The following STOML1 variants were observed in gnomAD, a reference collection of about 807,000 sequenced individuals.
The protein encoded by STOML1 is stomatin-like protein 1.
Under a neutral mutation model 35.7 loss-of-function variants are expected in STOML1, and 27 were observed. The observed-to-expected ratio is 0.76, with a 90% CI of 0.56 to 1.04. The LOEUF (loss-of-function observed/expected upper bound fraction) is 1.04. Among genes scored for constraint, STOML1 ranks in the 50% least tolerant of loss-of-function variants. The pLI is 0.00. For synonymous variants in STOML1, 219 were observed against 227.9 expected (o/e 0.96, Z 0.35); for missense variants, 451 against 527.1 (o/e 0.86, Z 1.41).
At position 73,979,088 on chromosome 15, in the gene STOML1, C is replaced by T. The variant is rs1052008804; in HGVS notation, c.*4849G>A. ...GAATAACATGTATTACTCTCAAAAC[C>T]ATTACAGTGAGGGGGAAAAAGCTAG... On this transcript the variant is annotated 3_prime_UTR_variant, in exon 7 of 7. Coordinates refer to ENST00000541638, the MANE Select transcript of STOML1 (RefSeq NM_004809.5). 1 of 152,130 alleles carries T rather than the reference C, an allele frequency of 6.6e-6. No homozygotes were observed. The highest frequency in any genetic ancestry group is 1.5e-5 in the Non-Finnish European group (1 of 68,028). The allele number at this position is 152,130 out of a possible 1,614,324, so 9.4% of individuals were successfully genotyped here. A position where few individuals can be genotyped will look rare whatever the true frequency, so the allele number is the denominator to read the frequency against.
chr15:73,992,174 CG>C lies in STOML1; in HGVS notation c.49del (p.Arg17AlafsTer63). ...AAAGCCGAAGCTCGACTGCTGGAAG[CG>C]GTCAAAATCACCCAGGGGCAGCGCC... is the stretch of plus-strand genomic sequence containing the variant. ...YRALPLGDFD[R>X]FQQSSFGFLG... On this transcript the variant is annotated frameshift_variant, in exon 1 of 7. Transcript: ENST00000541638. LOFTEE classifies it high-confidence loss of function. 1 of 1,608,410 alleles carries C rather than the reference CG, an allele frequency of 6.2e-7. No individual in the cohort carries two copies. The highest frequency in any genetic ancestry group is 1.7e-5 in the Admixed American group (1 of 59,692).
rs1458507609 is a variant in STOML1, at chr15:73,980,519, A to T, written c.*3418T>A. On this transcript the variant is annotated 3_prime_UTR_variant, in exon 7 of 7. Coordinates refer to ENST00000541638, the MANE Select transcript of STOML1 (RefSeq NM_004809.5). Reference sequence around the variant, plus strand: ...CTCAGTGGGTAATGTTAAGTGAAAAAGGCAACATTGTGTTTCTATGTTGCC... The same window carrying T: ...CTCAGTGGGTAATGTTAAGTGAAAATGGCAACATTGTGTTTCTATGTTGCC... The T allele has an allele frequency of 6.6e-6, 1 of 152,238 alleles. No homozygotes were observed. The highest frequency in any genetic ancestry group is 2.4e-5 in the African/African-American group (1 of 41,448). 9.4% of individuals were successfully genotyped at this position (152,238 alleles called of 1,614,324 possible). A position where few individuals can be genotyped will look rare whatever the true frequency, so the allele number is the denominator to read the frequency against.
Position 73,983,818 on chromosome 15 carries a change from G to T in STOML1, c.*119C>A. On this transcript the variant is annotated 3_prime_UTR_variant, in exon 7 of 7. Coordinates refer to ENST00000541638, the MANE Select transcript of STOML1 (RefSeq NM_004809.5). The stretch of plus-strand genomic sequence containing the variant: ...CCTCCATTCATGGGCTCTTGGCTGG[G>T]CCTGAAATTTGTTAGGGCCTCAACT... 8.3e-7 allele frequency: 1 copy of T among 1,201,548 alleles called. No individual in the cohort carries two copies. The highest frequency in any genetic ancestry group is 1.1e-6 in the Non-Finnish European group (1 of 871,632). 74.4% of individuals were successfully genotyped at this position (1,201,548 alleles called of 1,614,324 possible).
chr15:73,983,816 G>T lies in STOML1; in HGVS notation c.*121C>A, dbSNP rs2068998988. The T allele has an allele frequency of 2.6e-6, 3 of 1,175,860 alleles. No homozygotes were observed. Among genetic ancestry groups the T allele is most frequent in the Admixed American group, 5.6e-5 (2 of 35,840 alleles). 72.8% of individuals were successfully genotyped at this position (1,175,860 alleles called of 1,614,324 possible). ...AGCCTCCATTCATGGGCTCTTGGCT[G>T]GGCCTGAAATTTGTTAGGGCCTCAA... On this transcript the variant is annotated 3_prime_UTR_variant, in exon 7 of 7. Coordinates refer to ENST00000541638, the MANE Select transcript of STOML1 (RefSeq NM_004809.5).
chr15:73,990,667 T>C (rs1567108623), intron 1 of STOML1: 1 of 939,736 alleles, frequency 1.1e-6, no homozygotes, highest in East Asian at 2.6e-5. Context: ...AACACTCATT[T>C]GTCCCAAGTC....
chr15:73,991,109 C>T, intron 1 of STOML1: 1 of 641,848 alleles, frequency 1.6e-6, no homozygotes. Context: ...CAGAGCGAGA[C>T]TCCATCTCAA....
chr15:73,988,813 A>G lies in STOML1; in HGVS notation c.391-11T>C. The G allele has an allele frequency of 6.2e-7, 1 of 1,604,892 alleles. No homozygotes were observed. Among genetic ancestry groups the G allele is most frequent in the African/African-American group, 1.3e-5 (1 of 74,858 alleles). On this transcript the variant is annotated splice_polypyrimidine_tract_variant and intron_variant, in intron 3 of 6. Coordinates refer to ENST00000541638, the MANE Select transcript of STOML1 (RefSeq NM_004809.5). This position sits in a 1 kb window ranked among gnomAD's most constrained non-coding sequence, Gnocchi z 4.8. ...GTCCTTAGAGGCCAGCTGTTGGGGG[A>G]GGCCATGAGAGAGAGACACTCAAGG...
Position 73,985,459 on chromosome 15 carries a change from G to C in STOML1, c.649C>G (p.Leu217Val), listed in dbSNP as rs1433475369. 1.9e-6 allele frequency: 3 copies of C among 1,544,406 alleles called. No individual in the cohort carries two copies. The highest frequency in any genetic ancestry group is 4.2e-5 in the Admixed American group (2 of 47,166). ...AWGLEVDRVE[L>V]AVEAVLQPPQ... ...GGCTGGAGCACGGCCTCCACTGCCA[G>C]CTCCACGCGGTCTACCTCCAGCCCC... Residue 217 changes from leucine (L) to valine (V), a missense_variant, in exon 5 of 7, where the codon CTG (leucine) becomes GTG (valine). Transcript: ENST00000541638.
upstream of STOML1, among the ~76,000 whole-genome samples, chr15:73,992,726 T>C (rs1374670188): frequency 6.6e-6 from 1 of 152,164 alleles, no homozygotes; most frequent in African/African-American, 2.4e-5. Context: ...GGAGGATCTC[T>C]TGAGTCCAGG....
rs2069189237 is a variant in STOML1 at position 73,989,196 on chromosome 15, C to G, written c.302G>C (p.Gly101Ala). ...GGGCAAGAGCAGAACCATGCCAGGT[C>G]CCTGGGGGGTGCGGATCCGGCCCAG... ...FRLGRIRTPQ[G>A]PGMVLLLPFI... Residue 101 changes from glycine to alanine, a missense_variant, in exon 3 of 7, where the codon GGA (glycine) becomes GCA (alanine). Transcript: ENST00000541638. The G allele has an allele frequency of 1.9e-6, 3 of 1,612,488 alleles. No individual in the cohort carries two copies. Among genetic ancestry groups the G allele is most frequent in the Non-Finnish European group, 2.5e-6 (3 of 1,179,102 alleles).
In STOML1 at chr15:73,982,132, G is replaced by C. The variant is rs1001910790; in HGVS notation, c.*1805C>G. ...CTTCATATACTGTGTAATAGCAATG[G>C]AAGGAATCCACAGGTGAATGCTGAT... On this transcript the variant is annotated 3_prime_UTR_variant, in exon 7 of 7. Coordinates refer to ENST00000541638, the MANE Select transcript of STOML1 (RefSeq NM_004809.5). 1.3e-5 allele frequency: 2 copies of C among 152,342 alleles called. No homozygotes were observed. Among genetic ancestry groups the C allele is most frequent in the Non-Finnish European group, 2.9e-5 (2 of 68,130 alleles). 9.4% of individuals were successfully genotyped at this position (152,342 alleles called of 1,614,324 possible).
At chr15:73,986,458 G>A (rs1403781752) in intron 4 of STOML1, 5 of 152,496 alleles carry the variant, frequency 3.3e-5, no homozygotes, top group Admixed American at 3.3e-4. Context: ...GCTAGGGCAG[G>A]ACATTGTGAA....
At chr15:73,992,419 C>A, upstream of STOML1, 3 of 503,936 alleles carry the variant, frequency 6.0e-6, no homozygotes, top group Non-Finnish European at 9.4e-6. Flanking sequence ...CTGGGAGGAC[C>A]GAACTGCAGC....
Position 73,985,167 on chromosome 15 carries a change from C to G in STOML1, c.790+151G>C. 4.0e-6 allele frequency: 4 copies of G among 1,008,820 alleles called. No individual in the cohort carries two copies. In the Middle Eastern group the frequency reaches 9.7e-4, roughly 245 times the overall value. The allele number at this position is 1,008,820 out of a possible 1,614,324, so 62.5% of individuals were successfully genotyped here. On this transcript the variant is annotated intron_variant, in intron 5 of 6. Transcript: ENST00000541638. ...CCAATGGCCTCTACACACTCAGACA[C>G]CTGGCCTCCTCTCACTGCCTTGGCT...
rs1400318415 is a variant in STOML1, at chr15:73,980,291, C to A, written c.*3646G>T. 1.3e-5 allele frequency: 2 copies of A among 152,162 alleles called. No individual in the cohort carries two copies. The highest frequency in any genetic ancestry group is 2.9e-5 in the Non-Finnish European group (2 of 68,034). 9.4% of individuals were successfully genotyped at this position (152,162 alleles called of 1,614,324 possible). On this transcript the variant is annotated 3_prime_UTR_variant, in exon 7 of 7. Coordinates refer to ENST00000541638, the MANE Select transcript of STOML1 (RefSeq NM_004809.5). Reference sequence around the variant, plus strand: ...AGCAATTCCACTTCTAGGATTTTATCTTATAGATAAACTCTACCACAAATA... The same window carrying A: ...AGCAATTCCACTTCTAGGATTTTATATTATAGATAAACTCTACCACAAATA...
At chr15:73,990,292 C>T in intron 2 of STOML1, 59 bp downstream of exon 2, 1 of 1,497,526 alleles carries the variant, frequency 6.7e-7, no homozygotes, top group Non-Finnish European at 9.3e-7. Flanking sequence ...ATTTATTCAT[C>T]AATGCCAAAG....
At chr15:73,990,668 G>C in intron 1 of STOML1, 1 of 944,998 alleles carries the variant, frequency 1.1e-6, no homozygotes, top group South Asian at 1.5e-5. Context: ...ACACTCATTT[G>C]TCCCAAGTCC....
chr15:73,986,234 T>C (rs940612332), intron 4 of STOML1: 10 of 149,528 alleles, frequency 6.7e-5, no homozygotes, highest in African/African-American at 2.5e-4. Context: ...GCTGCCTCGA[T>C]GTGTGCAATG....
rs2068948260 is a variant in STOML1 at position 73,980,440 on chromosome 15, A to G, written c.*3497T>C. On this transcript the variant is annotated 3_prime_UTR_variant, in exon 7 of 7. Transcript: ENST00000541638. Reference sequence around the variant, plus strand: ...TGATACATCCATACTGTGGAATCCTATGTAAGTACAAGAAAGCACAGGGAA... The same window carrying G: ...TGATACATCCATACTGTGGAATCCTGTGTAAGTACAAGAAAGCACAGGGAA... The G allele has an allele frequency of 6.6e-6, 1 of 152,250 alleles. No homozygotes were observed. The highest frequency in any genetic ancestry group is 2.4e-5 in the African/African-American group (1 of 41,460). The allele number at this position is 152,250 out of a possible 1,614,324, so 9.4% of individuals were successfully genotyped here. A position where few individuals can be genotyped will look rare whatever the true frequency, so the allele number is the denominator to read the frequency against.
Sources: gnomAD v4.1 joint callset for allele counts (sites outside exome capture counted in the v4.1 genomes callset) on GRCh38, gnomAD v4.1.1 for gene constraint, Gnocchi (gnomAD v3.1) non-coding constraint, MANE v1.5 for transcripts, NCBI Gene and HGNC (gene_info 2026-07-23, HGNC 2026-07-21) for gene names.